Variants in TRPM1 observed in about 807,000 individuals in gnomAD.
TRPM1 encodes TRPM1-203 APA Isoform, Intron 10.
TRPM1 carries 113 observed loss-of-function variants against 149.4 expected under a neutral mutation model. The ratio of observed to expected loss-of-function variants is 0.76; its 90% CI spans 0.65 to 0.88. TRPM1 has a LOEUF of 0.88. TRPM1 is among the 40% of genes least tolerant of loss of function. TRPM1 has a pLI of 0.00. For synonymous variants in TRPM1, 741 were observed against 759.5 expected (o/e 0.98, Z 0.40); for missense variants, 1,976 against 2,038.7 (o/e 0.97, Z 0.59).
At chr15:31,059,153 T>C (rs921649812) in intron 11 of TRPM1, among the ~76,000 whole-genome samples, 2 of 151,954 alleles carry the variant, frequency 1.3e-5, no homozygotes, top group Non-Finnish European at 2.9e-5. Flanking sequence ...GGAAGCAGAG[T>C]GAGCAATCCA....
chr15:31,154,930 C>T (rs570816890), intron 1 of TRPM1, among the ~76,000 whole-genome samples: 5 of 152,164 alleles, frequency 3.3e-5, no homozygotes, highest in Non-Finnish European at 5.9e-5. Context: ...GGCTTCCCCC[C>T]ACCCACCAAG....
At chr15:31,066,279 C>A (rs2034374209) in intron 6 of TRPM1, 32 bp from the exon 7 acceptor site, 1 of 1,613,718 alleles carries the variant, frequency 6.2e-7, no homozygotes, top group Admixed American at 1.7e-5. Context: ...ATCAGACCTG[C>A]AGGACTTGGA....
At chr15:31,075,992 T>C (rs1374958912) in intron 3 of TRPM1, among the ~76,000 whole-genome samples, 1 of 152,088 alleles carries the variant, frequency 6.6e-6, no homozygotes, top group East Asian at 1.9e-4. Context: ...TCTGGCTTCA[T>C]GGAGGACTGC....
At chr15:31,098,272 C>G (rs980981436) in intron 1 of TRPM1, among the ~76,000 whole-genome samples, 20 of 152,184 alleles carry the variant, frequency 1.3e-4, no homozygotes, top group African/African-American at 4.6e-4. Flanking sequence ...GAAGCCTTGT[C>G]TCTACTAAAA....
chr15:31,034,993 T>C (rs917210007), intron 21 of TRPM1, among the ~76,000 whole-genome samples: 1 of 152,238 alleles, frequency 6.6e-6, no homozygotes, highest in Non-Finnish European at 1.5e-5. Flanking sequence ...TCCCACAGCA[T>C]GTGTAATTTG....
At chr15:31,048,344 G>T (rs1375606112) in intron 13 of TRPM1, among the ~76,000 whole-genome samples, 1 of 152,158 alleles carries the variant, frequency 6.6e-6, no homozygotes, top group Non-Finnish European at 1.5e-5. Flanking sequence ...TATAATTAAT[G>T]AATTGTGAGA....
chr15:31,069,912 T>A (rs1270637795), intron 4 of TRPM1, 119 bp downstream of exon 4: 1 of 1,607,278 alleles, frequency 6.2e-7, no homozygotes, highest in Non-Finnish European at 8.5e-7. Flanking sequence ...CAATGAAATA[T>A]CTAGGAAGAT....
intron 1 of TRPM1, among the ~76,000 whole-genome samples, chr15:31,143,502 AC>A (rs1426453597): frequency 6.6e-6 from 1 of 151,990 alleles, no homozygotes; most frequent in African/African-American, 2.4e-5. Flanking sequence ...GCTCACTGTA[AC>A]CTCTGCCTCC....
At chr15:31,013,295 G>C (rs1403771318) in intron 27 of TRPM1, among the ~76,000 whole-genome samples, 1 of 152,046 alleles carries the variant, frequency 6.6e-6, no homozygotes, top group Non-Finnish European at 1.5e-5. Context: ...ACAGGCATGA[G>C]TCACTGTGCC....
Position 31,070,349 on chromosome 15 carries a change from A to T in TRPM1, c.84-123T>A. 3.3e-6 allele frequency: 3 copies of T among 919,190 alleles called. No individual in the cohort carries two copies. In the South Asian group the frequency reaches 3.9e-5, roughly 12 times the overall value. The allele number at this position is 919,190 out of a possible 1,614,324, so 56.9% of individuals were successfully genotyped here. A position where few individuals can be genotyped will look rare whatever the true frequency, so the allele number is the denominator to read the frequency against. ...AACAGGAGCCTACTAACACTTCAGT[A>T]AGCCAGCGTTATTAGGGACAGAAAT... On this transcript the variant is annotated intron_variant, in intron 3 of 27. Coordinates refer to ENST00000256552, the MANE Select transcript of TRPM1 (RefSeq NM_001252024.2).
intron 1 of TRPM1, among the ~76,000 whole-genome samples, chr15:31,153,139 T>C (rs1290017199): frequency 6.6e-6 from 1 of 152,246 alleles, no homozygotes; most frequent in African/African-American, 2.4e-5. Flanking sequence ...AGAGAATCCC[T>C]TTCCCTTTCC....
rs1007673529 is a variant in TRPM1 at position 31,113,771 on chromosome 15, T to TACAGCTC, written c.55-36794_55-36788dup. Among the ~76,000 whole-genome samples the TACAGCTC allele has an allele frequency of 2.6e-5, 4 of 152,316 alleles. No individual in the cohort carries two copies. The East Asian group carries it at 7.7e-4, about 29-fold the overall frequency. The stretch of plus-strand genomic sequence containing the variant: ...GCATGCGGACCTTCCCGGTGAGTGT[T>TACAGCTC]ACAGCTCTTAAAGGTGGCAAGGACC... On this transcript the variant is annotated intron_variant, in intron 1 of 26. Coordinates refer to the TRPM1 transcript ENST00000542188.
At chr15:31,124,921 C>T (rs2035927845) in intron 1 of TRPM1, among the ~76,000 whole-genome samples, 3 of 152,146 alleles carry the variant, frequency 2.0e-5, no homozygotes, top group South Asian at 2.1e-4. Context: ...TGCCTGTAAT[C>T]CCAACACTTT....
intron 1 of TRPM1, among the ~76,000 whole-genome samples, chr15:31,145,718 C>T (rs891209301): frequency 1.3e-5 from 2 of 151,952 alleles, no homozygotes; most frequent in Admixed American, 6.6e-5. Flanking sequence ...CATCAGGTAG[C>T]GTAGAGACAC....
At chr15:31,081,311 G>T (rs375900905) in intron 2 of TRPM1, 42 bp downstream of exon 2, 53 of 1,149,868 alleles carry the variant, frequency 4.6e-5, no homozygotes, top group Non-Finnish European at 6.3e-5. Context: ...TTTCTCAGGG[G>T]GGGAGGGGGG....
intron 1 of TRPM1, among the ~76,000 whole-genome samples, chr15:31,149,998 G>T (rs934027730): frequency 5.3e-5 from 8 of 152,258 alleles, no homozygotes; most frequent in Admixed American, 1.3e-4. Flanking sequence ...AGGCCTGGGC[G>T]GCAGAAGGAG....
intron 1 of TRPM1, among the ~76,000 whole-genome samples, chr15:31,114,876 G>C (rs916302548): frequency 2.0e-5 from 3 of 152,126 alleles, no homozygotes. Context: ...AAAGAGTAAA[G>C]AACAAAGAAA....
intron 25 of TRPM1, 80 bp downstream of exon 25, chr15:31,028,252 C>T (rs1441866741): frequency 1.1e-5 from 17 of 1,574,810 alleles, no homozygotes; most frequent in Non-Finnish European, 1.5e-5. Context: ...ATATTGGTAT[C>T]TTGGGAGCGT....
intron 2 of TRPM1, among the ~76,000 whole-genome samples, chr15:31,080,293 T>C (rs1471227192): frequency 6.6e-6 from 1 of 152,108 alleles, no homozygotes; most frequent in Non-Finnish European, 1.5e-5. Context: ...TACTTATTAA[T>C]TACAAAGGAG....
Sources: gnomAD v4.1 joint callset for allele counts (sites outside exome capture counted in the v4.1 genomes callset) on GRCh38, gnomAD v4.1.1 for gene constraint, MANE v1.5 for transcripts, NCBI Gene and HGNC (gene_info 2026-07-23, HGNC 2026-07-21) for gene names.